The following STK32B variants were observed in gnomAD, a reference collection of about 807,000 sequenced individuals.
STK32B encodes serine/threonine-protein kinase 32B.
In STK32B, 43 loss-of-function variants were observed where a neutral mutation model predicts 52.6. The ratio of observed to expected loss-of-function variants is 0.82; its 90% confidence interval spans 0.64 to 1.05. The LOEUF (loss-of-function observed/expected upper bound fraction) is 1.05. Among genes scored for constraint, STK32B ranks in the 50% least tolerant of loss-of-function variants. The pLI is 0.00. For synonymous variants in STK32B, 238 were observed against 204.3 expected (o/e 1.17, Z -1.41); for missense variants, 621 against 534.6 (o/e 1.16, Z -1.59).
upstream of STK32B, among the ~76,000 whole-genome samples, chr4:5,049,573 G>C (rs1419149639): frequency 6.6e-6 from 1 of 152,170 alleles, no homozygotes; most frequent in Non-Finnish European, 1.5e-5. Context: ...TCAGTCGGGA[G>C]CTTCTGAGCC....
At chr4:5,296,184 A>G (rs1459729731) in intron 3 of STK32B, among the ~76,000 whole-genome samples, 1 of 152,144 alleles carries the variant, frequency 6.6e-6, no homozygotes, top group Non-Finnish European at 1.5e-5. Context: ...GCTTCCAATT[A>G]TGTGGTCAAT....
chr4:5,141,955 C>A (rs569064148), intron 2 of STK32B, among the ~76,000 whole-genome samples: 51 of 151,598 alleles, frequency 3.4e-4, no homozygotes, highest in African/African-American at 1.2e-3. Flanking sequence ...GGACTTCCCC[C>A]CTGGAACCTC....
intron 3 of STK32B, among the ~76,000 whole-genome samples, chr4:5,169,599 T>C (rs1048061207): frequency 1.3e-5 from 2 of 152,074 alleles, no homozygotes; most frequent in Non-Finnish European, 2.9e-5. Context: ...GACATGGGCA[T>C]TGCCATGGAG....
intron 1 of STK32B, among the ~76,000 whole-genome samples, chr4:5,078,816 A>G (rs2108773467): frequency 6.6e-6 from 1 of 152,240 alleles, no homozygotes; most frequent in Middle Eastern, 3.4e-3. Context: ...CTCCCAGAAG[A>G]TCAAACTCTG....
chr4:5,158,131 C>A (rs1486471332), intron 2 of STK32B, among the ~76,000 whole-genome samples: 1 of 152,116 alleles, frequency 6.6e-6, no homozygotes, highest in African/African-American at 2.4e-5. Flanking sequence ...AGTAGATGAT[C>A]CATTACTGAC....
At chr4:5,350,496 CACAA>C (rs1395682233) in intron 4 of STK32B, among the ~76,000 whole-genome samples, 2 of 151,564 alleles carry the variant, frequency 1.3e-5, no homozygotes, top group Non-Finnish European at 3.0e-5. Flanking sequence ...TAAAACAACA[CACAA>C]ACAAAAAATG....
the STK32B span, among the ~76,000 whole-genome samples, chr4:5,041,224 C>A: frequency 6.6e-6 from 1 of 152,130 alleles, no homozygotes; most frequent in Non-Finnish European, 1.5e-5. Flanking sequence ...GACTCTCTTC[C>A]TATAAAAATA....
chr4:5,150,127 T>G (rs368545260), intron 2 of STK32B, among the ~76,000 whole-genome samples: 7 of 152,176 alleles, frequency 4.6e-5, no homozygotes, highest in African/African-American at 1.7e-4. Flanking sequence ...ATGTGTCACT[T>G]TTGTCTCCCT....
Position 5,488,601 on chromosome 4 carries a change from C to G in STK32B, c.1107-10344C>G, listed in dbSNP as rs116410217. The stretch of plus-strand genomic sequence containing the variant: ...CAAGCCTTTCTGTGACTCACATAGA[C>G]CATGCATGACATGCCTTAAATATTC... On this transcript the variant is annotated intron_variant, in intron 11 of 11. Transcript: ENST00000282908. Among the ~76,000 whole-genome samples the G allele has an allele frequency of 7.9e-3, 1,199 of 152,264 alleles. 17 individuals carry two copies. The highest frequency in any genetic ancestry group is 0.027 in the African/African-American group (1,139 of 41,560).
chr4:5,191,338 C>T (rs1235641381), intron 3 of STK32B, among the ~76,000 whole-genome samples: 1 of 151,806 alleles, frequency 6.6e-6, no homozygotes, highest in Middle Eastern at 3.2e-3. Context: ...ACAAGCTCTG[C>T]CTCCCGGGTT....
At position 5,231,950 on chromosome 4, in the gene STK32B, G is replaced by T. The variant is rs370125702; in HGVS notation, c.260+63500G>T. Among the ~76,000 whole-genome samples the T allele has an allele frequency of 2.4e-4, 36 of 152,308 alleles. No individual in the cohort carries two copies. The East Asian group carries it at 2.9e-3, about 12-fold the overall frequency. On this transcript the variant is annotated intron_variant, in intron 3 of 11. Transcript: ENST00000282908. ...GAGGACAAAGATACACAGAAGAAAG[G>T]ATCCCATAATGAATGGTAAAAATTC... is the stretch of plus-strand genomic sequence containing the variant.
intron 4 of STK32B, among the ~76,000 whole-genome samples, chr4:5,385,516 A>G (rs1736190491): frequency 6.6e-6 from 1 of 151,954 alleles, no homozygotes; most frequent in Non-Finnish European, 1.5e-5. Context: ...GGAGATGGCT[A>G]CATCAGGAAA....
intron 1 of STK32B, among the ~76,000 whole-genome samples, chr4:5,099,983 T>C (rs1359453303): frequency 6.6e-6 from 1 of 151,648 alleles, no homozygotes; most frequent in Non-Finnish European, 1.5e-5. Context: ...TAAAAGTTTA[T>C]GTTTAATTCA....
chr4:5,346,545 G>A (rs1169189954), intron 4 of STK32B, among the ~76,000 whole-genome samples: 1 of 152,150 alleles, frequency 6.6e-6, no homozygotes, highest in African/African-American at 2.4e-5. Flanking sequence ...GATGCAGGGA[G>A]GGATTGGGGT....
In STK32B at chr4:5,398,775, T is replaced by C. The variant is rs1737091059; in HGVS notation, c.472+531T>C. Among the ~76,000 whole-genome samples, 1 of 152,060 alleles carries C rather than the reference T, an allele frequency of 6.6e-6. No individual in the cohort carries two copies. Among genetic ancestry groups the C allele is most frequent in the Admixed American group, 6.5e-5 (1 of 15,268 alleles). On this transcript the variant is annotated intron_variant, in intron 5 of 11. Coordinates refer to ENST00000282908, the MANE Select transcript of STK32B (RefSeq NM_018401.3). The surrounding 1 kb of genome is among the most constrained non-coding windows in gnomAD (Gnocchi z 4.9). ...TTCCTTTATGTGCACACAGATCTCC[T>C]AGGCATCTTCTCAAACTGATTTAGT...
At chr4:5,042,649 G>A in the STK32B span, among the ~76,000 whole-genome samples, 3 of 152,354 alleles carry the variant, frequency 2.0e-5, no homozygotes, top group South Asian at 4.1e-4. Flanking sequence ...GGGGAGCGAG[G>A]TAGAGTTTCA....
chr4:5,343,509 C>A (rs1468348505), intron 4 of STK32B, among the ~76,000 whole-genome samples: 3 of 152,096 alleles, frequency 2.0e-5, no homozygotes, highest in Non-Finnish European at 2.9e-5. Context: ...AGTTCTAGAT[C>A]CCTGAGGAAT....
At chr4:5,414,249 A>G (rs1711959295) in intron 5 of STK32B, among the ~76,000 whole-genome samples, 1 of 152,006 alleles carries the variant, frequency 6.6e-6, no homozygotes. Flanking sequence ...TATATTAAAT[A>G]ACATATATGA....
chr4:5,155,485 G>C (rs1355659750), intron 2 of STK32B, among the ~76,000 whole-genome samples: 1 of 152,072 alleles, frequency 6.6e-6, no homozygotes, highest in African/African-American at 2.4e-5. Flanking sequence ...CTATCATGCA[G>C]TTTATAGAGA....
Sources: gnomAD v4.1 joint callset for allele counts (sites outside exome capture counted in the v4.1 genomes callset) on GRCh38, gnomAD v4.1.1 for gene constraint, Gnocchi (gnomAD v3.1) non-coding constraint, MANE v1.5 for transcripts, NCBI Gene and HGNC (gene_info 2026-07-23, HGNC 2026-07-21) for gene names.